MYLK3: variants seen among roughly 807,000 people sequenced by gnomAD.
The protein encoded by MYLK3 is myosin light chain kinase 3, also known as MLC kinase.
Under a neutral mutation model 76.3 loss-of-function variants are expected in MYLK3, and 55 were observed. The observed-to-expected ratio is 0.72, with a 90% confidence interval of 0.58 to 0.90. The LOEUF (loss-of-function observed/expected upper bound fraction) is 0.90, where lower values mean the gene tolerates loss of function less well. Ranked by LOEUF, MYLK3 falls within the 40% of genes least tolerant of loss-of-function variation. The probability of loss-of-function intolerance (pLI) is 0.00; values close to 1 mark genes in which losing one functional copy is unlikely to be tolerated. For missense variants in MYLK3, 973 were observed against 1,053.6 expected, an observed-to-expected ratio of 0.92 and a Z score of 1.06; for synonymous variants, 416 against 425.4, an observed-to-expected ratio of 0.98 and a Z score of 0.27.
intron 8 of MYLK3, among the ~76,000 whole-genome samples, chr16:46,724,063 G>A (rs1966826173): frequency 6.6e-6 from 1 of 152,218 alleles, no homozygotes; most frequent in South Asian, 2.1e-4. Context: ...TAATGATGCT[G>A]AGAATCACTT....
intron 9 of MYLK3, among the ~76,000 whole-genome samples, chr16:46,717,600 C>G (rs553562036): frequency 1.1e-4 from 17 of 152,242 alleles, no homozygotes; most frequent in South Asian, 6.2e-4. Flanking sequence ...GCGCCCCCCC[C>G]ACCTCCCCTC....
chr16:46,752,230 T>A (rs1046315965), upstream of MYLK3, among the ~76,000 whole-genome samples: 4 of 151,788 alleles, frequency 2.6e-5, no homozygotes, highest in Non-Finnish European at 5.9e-5. Flanking sequence ...AACACCCTCA[T>A]TTTATTTTAC....
intron 3 of MYLK3, among the ~76,000 whole-genome samples, chr16:46,735,757 G>C (rs1966865721): frequency 6.6e-6 from 1 of 152,212 alleles, no homozygotes; most frequent in Admixed American, 6.5e-5. Context: ...CCTCCTGCCA[G>C]ACCAAGGGAC....
intron 1 of MYLK3, among the ~76,000 whole-genome samples, chr16:46,746,841 CTGCAGG>C (rs1967033995): frequency 6.6e-6 from 1 of 152,058 alleles, no homozygotes; most frequent in Non-Finnish European, 1.5e-5. Flanking sequence ...TCTGAAGGAG[CTGCAGG>C]GCAGGGAGGG....
intron 1 of MYLK3, among the ~76,000 whole-genome samples, chr16:46,757,753 C>T (rs2143018477): frequency 6.6e-6 from 1 of 152,336 alleles, no homozygotes; most frequent in African/African-American, 2.4e-5. Context: ...CCCCGGGGGC[C>T]TACTTCCTGC....
chr16:46,759,111 G>C (rs1967243229), intron 1 of MYLK3, among the ~76,000 whole-genome samples: 1 of 152,212 alleles, frequency 6.6e-6, no homozygotes, highest in Non-Finnish European at 1.5e-5. Flanking sequence ...GGCCTGGTGA[G>C]GGGGTGTCCC....
At chr16:46,745,870 T>C (rs1404139522) in intron 1 of MYLK3, among the ~76,000 whole-genome samples, 1 of 152,118 alleles carries the variant, frequency 6.6e-6, no homozygotes, top group Non-Finnish European at 1.5e-5. Context: ...ACACAGCCTC[T>C]ATCTGGAAGG....
chr16:46,733,399 C>T (rs890658096), intron 3 of MYLK3, among the ~76,000 whole-genome samples: 1 of 152,174 alleles, frequency 6.6e-6, no homozygotes, highest in African/African-American at 2.4e-5. Flanking sequence ...TCATAAAAGA[C>T]TAGACTTTCT....
rs747154291 is a variant in MYLK3 at position 46,721,159 on chromosome 16, T to C, written c.1949A>G (p.His650Arg). 28 of 1,614,234 alleles carry C rather than the reference T, an allele frequency of 1.7e-5. No individual in the cohort carries two copies. The South Asian group carries it at 2.4e-4, about 14-fold the overall frequency. ...CCCAAAGTCAATGATCTTAATTTGA[T>C]GTCCTGTCTGATTGACGCACAATAT... ...ENILCVNQTGHQIKIIDFGLA... is the reference protein window; with the variant it reads ...ENILCVNQTGRQIKIIDFGLA... The change falls in exon 9 of 13, where the codon CAT (histidine) becomes CGT (arginine). Residue 650 changes from histidine (H) to arginine (R), a missense_variant. His to Arg is a conservative substitution (Grantham distance 29). Around this residue, in one of 2 missense-constraint regions of MYLK3, gnomAD observed 332 missense variants for 416.6 expected, o/e 0.80. Transcript: ENST00000394809.
intron 6 of MYLK3, 88 bp from the exon 7 acceptor site, chr16:46,729,221 C>T (rs1214390014): frequency 3.1e-6 from 3 of 977,520 alleles, no homozygotes; most frequent in Non-Finnish European, 4.9e-6. Flanking sequence ...CACAGAACTC[C>T]TCATTCTTCC....
At chr16:46,753,475 C>G (rs1967155568) in intron 1 of MYLK3, among the ~76,000 whole-genome samples, 1 of 152,170 alleles carries the variant, frequency 6.6e-6, no homozygotes, top group South Asian at 2.1e-4. Flanking sequence ...CTGTTAGTAC[C>G]TTCTTCAGAA....
At chr16:46,725,545 C>A (rs982795426) in intron 8 of MYLK3, among the ~76,000 whole-genome samples, 3 of 152,092 alleles carry the variant, frequency 2.0e-5, no homozygotes, top group Non-Finnish European at 4.4e-5. Context: ...TGATTTCATC[C>A]TTTATTCTAT....
chr16:46,739,147 T>A (rs1408344152), intron 2 of MYLK3, among the ~76,000 whole-genome samples: 1 of 152,036 alleles, frequency 6.6e-6, no homozygotes, highest in East Asian at 1.9e-4. Flanking sequence ...GGCCTCTTAT[T>A]TTGAAGTAAA....
chr16:46,734,975 T>C (rs2143015422), intron 3 of MYLK3, among the ~76,000 whole-genome samples: 1 of 152,050 alleles, frequency 6.6e-6, no homozygotes, highest in South Asian at 2.1e-4. Flanking sequence ...GACCTGTCTC[T>C]ACAAAAACAT....
At chr16:46,739,808 A>G (rs982144120) in intron 2 of MYLK3, among the ~76,000 whole-genome samples, 17 of 152,232 alleles carry the variant, frequency 1.1e-4, no homozygotes, top group African/African-American at 3.6e-4. Context: ...TGAATTTTCA[A>G]CTGTGCAGGA....
chr16:46,709,813 C>T (rs1316092565), intron 11 of MYLK3, 142 bp from the exon 12 acceptor site: 2 of 976,306 alleles, frequency 2.0e-6, no homozygotes, highest in South Asian at 3.5e-5. Context: ...AAAAAGGGAA[C>T]TCCTTGTGTC....
At chr16:46,728,293 G>T (rs971290003) in intron 7 of MYLK3, among the ~76,000 whole-genome samples, 1 of 152,114 alleles carries the variant, frequency 6.6e-6, no homozygotes, top group Admixed American at 6.5e-5. Context: ...ACCCCTGGGA[G>T]CTCCCACACA....
chr16:46,761,043 C>T (rs1039999469), intron 1 of MYLK3, among the ~76,000 whole-genome samples: 7 of 152,128 alleles, frequency 4.6e-5, no homozygotes, highest in Admixed American at 3.3e-4. Flanking sequence ...ATGGTGCCAG[C>T]GAACTCAGCA....
At chr16:46,742,447 A>ACACACACACACACACACACACACACAC (rs1555471290) in intron 1 of MYLK3, among the ~76,000 whole-genome samples, 1 of 131,094 alleles carries the variant, frequency 7.6e-6, no homozygotes, top group Admixed American at 7.9e-5. Context: ...TCCCAGCAAA[A>ACACACACACACACACACACACACACAC]ACACACACAC....
Sources: allele counts gnomAD v4.1 joint callset (sites outside exome capture counted in the v4.1 genomes callset), GRCh38; gene constraint gnomAD v4.1.1; regional missense constraint gnomAD v4.1.1; transcripts MANE v1.5; gene names NCBI Gene and HGNC (gene_info 2026-07-23, HGNC 2026-07-21).